STXBP4: variants seen among roughly 807,000 people sequenced by gnomAD.
STXBP4 encodes the protein syntaxin-binding protein 4.
STXBP4 carries 55 observed loss-of-function variants against 76.1 expected under a neutral mutation model. That is an observed-to-expected ratio of 0.72 (90% CI 0.58 to 0.91). The LOEUF (loss-of-function observed/expected upper bound fraction) is 0.91. Among genes scored for constraint, STXBP4 ranks in the 40% least tolerant of loss-of-function variants. The pLI is 0.00. For missense variants in STXBP4, 618 were observed against 636.9 expected (o/e 0.97, Z 0.32); for synonymous variants, 201 against 220.2 (o/e 0.91, Z 0.77).
At chr17:55,100,659 G>C (rs1330749486) in intron 16 of STXBP4, among the ~76,000 whole-genome samples, 2 of 152,152 alleles carry the variant, frequency 1.3e-5, no homozygotes, top group East Asian at 3.8e-4. Context: ...ATATAAAGGG[G>C]AAGAGTCTAA....
chr17:55,025,152 T>A (rs1048579634), intron 8 of STXBP4, among the ~76,000 whole-genome samples: 15 of 151,114 alleles, frequency 9.9e-5, no homozygotes, highest in Non-Finnish European at 1.9e-4. Context: ...AAAAAAAAAA[T>A]TTAATTTAAT....
At chr17:55,074,068 A>G (rs894476568) in intron 13 of STXBP4, among the ~76,000 whole-genome samples, 1 of 152,242 alleles carries the variant, frequency 6.6e-6, no homozygotes, top group African/African-American at 2.4e-5. Context: ...ATAAATATTC[A>G]TACATTTGTT....
intron 16 of STXBP4, among the ~76,000 whole-genome samples, chr17:55,092,018 A>G: frequency 6.6e-6 from 1 of 152,218 alleles, no homozygotes; most frequent in African/African-American, 2.4e-5. Context: ...AATATCAAAA[A>G]TATGGATGTT....
At chr17:55,007,339 CAA>C (rs374486256) in intron 7 of STXBP4, among the ~76,000 whole-genome samples, 165 bp from the exon 8 acceptor site, 14 of 120,626 alleles carry the variant, frequency 1.2e-4, no homozygotes, top group Non-Finnish European at 2.1e-4. Context: ...GTCCCCCCTC[CAA>C]AAAAAAAAAA....
Position 54,987,233 on chromosome 17 carries a change from G to A in STXBP4, c.47+967G>A, listed in dbSNP as rs149246082. Among the ~76,000 whole-genome samples, 10 of 152,260 alleles carry A rather than the reference G, an allele frequency of 6.6e-5. No individual in the cohort carries two copies. In the East Asian group the frequency reaches 1.7e-3, roughly 26 times the overall value. ...AAGGCATATTAAAAAAAATCTTGCT[G>A]TTATTCTAGTCTTCACTGTGTGCCC... On this transcript the variant is annotated intron_variant, in intron 3 of 17. Transcript: ENST00000376352.
At chr17:55,108,742 T>A (rs1345330517) in intron 16 of STXBP4, among the ~76,000 whole-genome samples, 1 of 152,182 alleles carries the variant, frequency 6.6e-6, no homozygotes, top group South Asian at 2.1e-4. Flanking sequence ...CTGCACCCAC[T>A]GTCTAGCCAG....
the STXBP4 span, among the ~76,000 whole-genome samples, chr17:55,212,446 A>G: frequency 6.6e-6 from 1 of 152,232 alleles, no homozygotes; most frequent in South Asian, 2.1e-4. Flanking sequence ...AATGCCTAGC[A>G]TAGTGGCAGA....
Position 55,031,204 on chromosome 17 carries a change from C to A in STXBP4, c.703C>A (p.Gln235Lys), listed in dbSNP as rs769110195. ...NYLGIQPTKE[Q>K]HQALRQQVQA... ...TCTTGGTATTCAGCCCACAAAGGAA[C>A]AACACCAAGCCCTGAGACAGCAAGT... Residue 235 changes from glutamine (Q) to lysine (K), a missense_variant, in exon 9 of 18, where the codon CAA becomes AAA. Physicochemically the swap from Gln to Lys is moderately conservative, Grantham distance 53. Coordinates refer to ENST00000376352, the MANE Select transcript of STXBP4 (RefSeq NM_178509.6). 1.2e-6 allele frequency: 2 copies of A among 1,613,220 alleles called. No homozygotes were observed. Among genetic ancestry groups the A allele is most frequent in the Non-Finnish European group, 1.7e-6 (2 of 1,179,480 alleles).
intron 16 of STXBP4, among the ~76,000 whole-genome samples, chr17:55,128,719 G>A (rs911741801): frequency 3.9e-5 from 6 of 152,000 alleles, no homozygotes; most frequent in Admixed American, 1.3e-4. Context: ...GCTGTCAAGC[G>A]ATTCTCCCAC....
At chr17:55,043,085 C>T (rs575093042) in intron 10 of STXBP4, 151 bp from the exon 11 acceptor site, 277 of 392,018 alleles carry the variant, frequency 7.1e-4, no homozygotes, top group Non-Finnish European at 1.1e-3. Flanking sequence ...ACTTTAATAT[C>T]CCCTTTATCT....
At chr17:55,209,832 C>T in the STXBP4 span, among the ~76,000 whole-genome samples, 1 of 152,182 alleles carries the variant, frequency 6.6e-6, no homozygotes, top group East Asian at 1.9e-4. Context: ...CTTCCCTCTT[C>T]CGAGGGGATT....
chr17:55,131,710 A>G (rs1598338982), intron 16 of STXBP4, among the ~76,000 whole-genome samples: 1 of 152,186 alleles, frequency 6.6e-6, no homozygotes, highest in Admixed American at 6.5e-5. Context: ...TTCATGTTCG[A>G]CAGCCACTGG....
At chr17:54,974,148 G>T (rs1342820889) in intron 1 of STXBP4, among the ~76,000 whole-genome samples, 1 of 152,190 alleles carries the variant, frequency 6.6e-6, no homozygotes, top group Non-Finnish European at 1.5e-5. Flanking sequence ...TGGTTTTCCT[G>T]ATAAAGCTCC....
chr17:55,191,332 G>A, the STXBP4 span, among the ~76,000 whole-genome samples: 54 of 152,206 alleles, frequency 3.5e-4, no homozygotes, highest in African/African-American at 1.1e-3. Flanking sequence ...TCATAAGTCC[G>A]GGGTGGGACC....
intron 7 of STXBP4, among the ~76,000 whole-genome samples, chr17:55,005,981 C>T (rs1418938185): frequency 6.6e-5 from 10 of 150,854 alleles, no homozygotes. Flanking sequence ...ATATGCATAC[C>T]CATATATGTA....
chr17:55,076,624 G>A (rs1226761486), intron 13 of STXBP4, among the ~76,000 whole-genome samples: 1 of 152,130 alleles, frequency 6.6e-6, no homozygotes, highest in Non-Finnish European at 1.5e-5. Flanking sequence ...GATGAATCAT[G>A]TGTGAACTTA....
At chr17:55,126,472 G>C (rs1252068249) in intron 16 of STXBP4, among the ~76,000 whole-genome samples, 1 of 152,206 alleles carries the variant, frequency 6.6e-6, no homozygotes, top group Admixed American at 6.5e-5. Context: ...TTGGGGCACA[G>C]AAGTAGAAAT....
chr17:55,055,387 T>G (rs2078910760), intron 12 of STXBP4, among the ~76,000 whole-genome samples: 1 of 152,202 alleles, frequency 6.6e-6, no homozygotes. Flanking sequence ...TTGTTGGGCC[T>G]ACTTTTTAGA....
intron 4 of STXBP4, among the ~76,000 whole-genome samples, chr17:54,998,979 G>A (rs1328467199): frequency 6.6e-6 from 1 of 152,088 alleles, no homozygotes; most frequent in East Asian, 1.9e-4. Context: ...TTTGTATTGT[G>A]AAATATCCCA....
Sources: allele counts gnomAD v4.1 joint callset (sites outside exome capture counted in the v4.1 genomes callset), GRCh38; gene constraint gnomAD v4.1.1; transcripts MANE v1.5; gene names NCBI Gene and HGNC (gene_info 2026-07-23, HGNC 2026-07-21).